The following HHIPL1 variants were observed in gnomAD, a reference collection of about 807,000 sequenced individuals.
HHIPL1 encodes the protein HHIP like 1, also known as HHIP-like protein 1.
A neutral mutation model predicts 61.8 loss-of-function variants in HHIPL1; 43 were observed. The observed-to-expected ratio is 0.70, with a 90% CI of 0.55 to 0.90. HHIPL1 has a LOEUF of 0.90. Ranked by LOEUF, HHIPL1 falls within the 40% of genes least tolerant of loss-of-function variation. The pLI, the probability that HHIPL1 is intolerant of heterozygous loss-of-function variation, is 0.00. For synonymous variants in HHIPL1, 482 were observed against 515.8 expected, an observed-to-expected ratio of 0.93 and a Z score of 0.89; for missense variants, 1,056 against 1,157.7, an observed-to-expected ratio of 0.91 and a Z score of 1.28.
upstream of HHIPL1, chr14:99,644,975 T>G: frequency 5.4e-6 from 2 of 369,988 alleles, no homozygotes; most frequent in Non-Finnish European, 4.7e-6. Context: ...GCCACTCCCA[T>G]CGAATTTGGA....
chr14:99,674,314 T>A (rs936784063), intron 8 of HHIPL1, among the ~76,000 whole-genome samples: 4 of 90,264 alleles, frequency 4.4e-5, no homozygotes, highest in Non-Finnish European at 1.0e-4. Flanking sequence ...AAGTGTAGAT[T>A]GAGGTCTATC....
chr14:99,641,911 T>C (rs2055757032), upstream of HHIPL1, among the ~76,000 whole-genome samples: 1 of 152,110 alleles, frequency 6.6e-6, no homozygotes, highest in Admixed American at 6.6e-5. Flanking sequence ...TGTTGTTTTG[T>C]ATCTGTCATG....
Position 99,668,700 on chromosome 14 carries a change from C to T in HHIPL1, c.1730+397C>T. 1 of 511,958 alleles carries T rather than the reference C, an allele frequency of 2.0e-6. No homozygotes were observed. The allele number at this position is 511,958 out of a possible 1,614,324, so 31.7% of individuals were successfully genotyped here. ...CAGCCCCCAATTTGCCTCTGTGATG[C>T]CTCCCAGATGACACCCTGATCCCTG... On this transcript the variant is annotated intron_variant, in intron 7 of 8. Transcript: ENST00000330710. This position sits in a 1 kb window ranked among gnomAD's most constrained non-coding sequence, Gnocchi z 4.7.
intron 6 of HHIPL1, 50 bp downstream of exon 6, chr14:99,663,071 G>A (rs2056181203): frequency 6.5e-7 from 1 of 1,531,844 alleles, no homozygotes; most frequent in South Asian, 1.3e-5. Flanking sequence ...CCTGGGACTG[G>A]TCCTCCACCC....
chr14:99,641,130 A>G (rs968384435), upstream of HHIPL1, among the ~76,000 whole-genome samples: 1 of 150,014 alleles, frequency 6.7e-6, no homozygotes, highest in Non-Finnish European at 1.5e-5. Context: ...CAGGTGATCC[A>G]CCCGCCTCAG....
chr14:99,656,152 G>A (rs2056023858), intron 2 of HHIPL1, among the ~76,000 whole-genome samples: 1 of 152,212 alleles, frequency 6.6e-6, no homozygotes, highest in African/African-American at 2.4e-5. Flanking sequence ...TACATAAGAT[G>A]AGCTCAACAT....
chr14:99,626,598 G>T, the HHIPL1 span, among the ~76,000 whole-genome samples: 1 of 152,246 alleles, frequency 6.6e-6, no homozygotes, highest in Non-Finnish European at 1.5e-5. Flanking sequence ...ACTGCAGTTT[G>T]CCTGAAAGGG....
At chr14:99,645,100 C>A (rs901183869), upstream of HHIPL1, 35 of 1,005,724 alleles carry the variant, frequency 3.5e-5, no homozygotes, top group Non-Finnish European at 4.4e-5. Context: ...AAACTCGAGG[C>A]CCTGCGTGTA....
At chr14:99,649,841 G>A (rs1595148563) in intron 1 of HHIPL1, among the ~76,000 whole-genome samples, 1 of 152,346 alleles carries the variant, frequency 6.6e-6, no homozygotes, top group East Asian at 1.9e-4. Flanking sequence ...ACCCTACCTT[G>A]CAGAGATGAA....
chr14:99,645,257 C>A lies in HHIPL1; in HGVS notation c.50C>A (p.Ala17Asp), dbSNP rs1241679679. 7.2e-7 allele frequency: 1 copy of A among 1,394,652 alleles called. No individual in the cohort carries two copies. Among genetic ancestry groups the A allele is most frequent in the Non-Finnish European group, 9.3e-7 (1 of 1,078,100 alleles). 86.4% of individuals were successfully genotyped at this position (1,394,652 alleles called of 1,614,324 possible). A position where few individuals can be genotyped will look rare whatever the true frequency, so the allele number is the denominator to read the frequency against. ...GALLALWVLG[A>D]AAHPQCLDFR... ...CTGCTGGCGCTTTGGGTGCTCGGGGCCGCCGCGCATCCGCAGTGCCTGGAC... is the reference window on the plus strand; with the variant it reads ...CTGCTGGCGCTTTGGGTGCTCGGGGACGCCGCGCATCCGCAGTGCCTGGAC... Residue 17 changes from alanine to aspartate, a missense_variant, in exon 1 of 9, where the codon GCC becomes GAC. By Grantham distance (126) the Ala-to-Asp change is moderately radical. Transcript: ENST00000330710.
At chr14:99,612,288 G>A in the HHIPL1 span, among the ~76,000 whole-genome samples, 11 of 152,096 alleles carry the variant, frequency 7.2e-5, no homozygotes, top group South Asian at 6.2e-4. Flanking sequence ...ACCTGGTCCC[G>A]CCCTTGACAC....
At chr14:99,651,857 G>T (rs1181903405) in intron 1 of HHIPL1, among the ~76,000 whole-genome samples, 1 of 152,190 alleles carries the variant, frequency 6.6e-6, no homozygotes, top group African/African-American at 2.4e-5. Context: ...TGAGCCTTGG[G>T]CAGGAACCCA....
chr14:99,652,917 A>G, intron 2 of HHIPL1, 47 bp downstream of exon 2: 5 of 1,561,138 alleles, frequency 3.2e-6, no homozygotes, highest in South Asian at 1.2e-5. Flanking sequence ...AGGCACCCAT[A>G]TGCACTGGTG....
At position 99,675,597 on chromosome 14, in the gene HHIPL1, G is replaced by A. The variant is rs907508717; in HGVS notation, c.2320G>A (p.Val774Met). The change falls in exon 9 of 9, where the codon GTG becomes ATG. Residue 774 changes from valine to methionine, a missense_variant. By Grantham distance (21) the Val-to-Met change is conservative. Coordinates refer to ENST00000330710, the MANE Select transcript of HHIPL1 (RefSeq NM_001127258.3). This position sits in a 1 kb window ranked among gnomAD's most constrained non-coding sequence, Gnocchi z 5.4. ...NCEHDEDAGV[V>M]CSHQNPDL ...CGAGCACGACGAGGATGCGGGCGTC[G>A]TGTGCAGCCACCAGAACCCCGACCT... 7.2e-6 allele frequency: 11 copies of A among 1,529,246 alleles called. No individual in the cohort carries two copies. Among genetic ancestry groups the A allele is most frequent in the Non-Finnish European group, 9.6e-6 (11 of 1,141,394 alleles). 94.7% of individuals were successfully genotyped at this position (1,529,246 alleles called of 1,614,324 possible).
At chr14:99,650,319 C>T (rs1215675261) in intron 1 of HHIPL1, among the ~76,000 whole-genome samples, 3 of 152,196 alleles carry the variant, frequency 2.0e-5, no homozygotes, top group African/African-American at 7.2e-5. Flanking sequence ...GTCAGTACCT[C>T]CCCACTGCAG....
upstream of HHIPL1, among the ~76,000 whole-genome samples, chr14:99,642,828 T>TC: frequency 6.6e-6 from 1 of 150,832 alleles, no homozygotes; most frequent in African/African-American, 2.4e-5. Flanking sequence ...CCGGCCTTCA[T>TC]TTTTTTTCTT....
At chr14:99,614,623 T>C in the HHIPL1 span, among the ~76,000 whole-genome samples, 1 of 152,200 alleles carries the variant, frequency 6.6e-6, no homozygotes, top group Non-Finnish European at 1.5e-5. Flanking sequence ...CATGAGGCAC[T>C]TGTTTGTTGG....
chr14:99,657,499 G>A (rs1299694845), intron 3 of HHIPL1, among the ~76,000 whole-genome samples: 1 of 152,204 alleles, frequency 6.6e-6, no homozygotes, highest in Non-Finnish European at 1.5e-5. Context: ...GACCCCTGCT[G>A]GAAGAAGGGA....
chr14:99,656,853 AAGGAAGGAAGGAAGGAAGGAAGG>A (rs1163549656), intron 2 of HHIPL1, 124 bp from the exon 3 acceptor site: 1 of 19,036 alleles, frequency 5.3e-5, no homozygotes, highest in Non-Finnish European at 1.2e-4. Flanking sequence ...GGAAGGAAGG[AAGGAAGGAAGGAAGGAAGGAAGG>A]AAGGAAGGAA....
Sources: gnomAD v4.1 joint callset for allele counts (sites outside exome capture counted in the v4.1 genomes callset) on GRCh38, gnomAD v4.1.1 for gene constraint, Gnocchi (gnomAD v3.1) non-coding constraint, MANE v1.5 for transcripts, NCBI Gene and HGNC (gene_info 2026-07-23, HGNC 2026-07-21) for gene names.